Variants in NR1H4 observed in about 807,000 individuals in gnomAD.
The protein encoded by NR1H4 is bile acid receptor.
In NR1H4, 23 loss-of-function variants were observed where a neutral mutation model predicts 58.5. The ratio of observed to expected loss-of-function variants is 0.39; its 90% CI spans 0.28 to 0.56. The LOEUF (loss-of-function observed/expected upper bound fraction) is 0.56. Among genes scored for constraint, NR1H4 ranks in the 20% least tolerant of loss-of-function variants. NR1H4 has a pLI of 0.58. For missense variants in NR1H4, 487 were observed against 576.9 expected, an observed-to-expected ratio of 0.84 and a Z score of 1.60; for synonymous variants, 214 against 198.0, an observed-to-expected ratio of 1.08 and a Z score of -0.68.
chr12:100,490,693 TTATA>T (rs1427208180), intron 1 of NR1H4, among the ~76,000 whole-genome samples: 1 of 152,174 alleles, frequency 6.6e-6, no homozygotes. Context: ...TATATACACA[TTATA>T]TATATCCTTA....
At position 100,532,480 on chromosome 12, in the gene NR1H4, C is replaced by T. The variant is rs773880757; in HGVS notation, c.468C>T (p.Thr156=). 5.0e-6 allele frequency: 8 copies of T among 1,614,026 alleles called. No individual in the cohort carries two copies. The highest frequency in any genetic ancestry group is 2.5e-6 in the Non-Finnish European group (3 of 1,179,976). Residue 156 remains threonine (T), a synonymous_variant, in exon 5 of 11, where the codon ACC becomes ACT. Transcript: ENST00000392986. ...CAGGTTTCTTCAGGAGAAGCATTACCAAAAACGCTGTGTACAAGTGTAAAA... is the reference window on the plus strand; with the variant it reads ...CAGGTTTCTTCAGGAGAAGCATTACTAAAAACGCTGTGTACAAGTGTAAAA... The part of the protein sequence containing the change: ...GCKGFFRRSI[T]KNAVYKCKNG...
chr12:100,500,553 A>G (rs1017112266), intron 3 of NR1H4, among the ~76,000 whole-genome samples: 1 of 152,188 alleles, frequency 6.6e-6, no homozygotes, highest in African/African-American at 2.4e-5. Context: ...TTTAATTTAA[A>G]TAGCCTGATA....
At chr12:100,532,645 T>G (rs1179156310) in intron 5 of NR1H4, 35 bp downstream of exon 5, 2 of 1,601,264 alleles carry the variant, frequency 1.2e-6, no homozygotes, top group Non-Finnish European at 8.6e-7. Flanking sequence ...TCACTAAAAA[T>G]CTCTTAAGGA....
chr12:100,528,577 A>G (rs1277037395), intron 4 of NR1H4, among the ~76,000 whole-genome samples: 2 of 152,124 alleles, frequency 1.3e-5, no homozygotes, highest in East Asian at 3.9e-4. Flanking sequence ...CTTTCCATTC[A>G]TTTTCAAATG....
At chr12:100,513,587 G>C (rs1954179980) in intron 4 of NR1H4, among the ~76,000 whole-genome samples, 1 of 152,110 alleles carries the variant, frequency 6.6e-6, no homozygotes, top group Non-Finnish European at 1.5e-5. Context: ...CTAAGGTCAG[G>C]AGTTCAAGAC....
intron 3 of NR1H4, among the ~76,000 whole-genome samples, chr12:100,496,301 A>C (rs1051053278): frequency 5.9e-5 from 9 of 152,212 alleles, no homozygotes; most frequent in Non-Finnish European, 1.2e-4. Context: ...TGAAGGCAAC[A>C]AAATAGGGTG....
chr12:100,492,833 T>G (rs1381306059), intron 2 of NR1H4, among the ~76,000 whole-genome samples, 196 bp downstream of exon 2: 2 of 152,204 alleles, frequency 1.3e-5, no homozygotes, highest in African/African-American at 4.8e-5. Flanking sequence ...CAGTAGGAAG[T>G]GGCTTTAAAT....
At position 100,563,655 on chromosome 12, in the gene NR1H4, A is replaced by G. The variant is rs1955523818; in HGVS notation, c.*166A>G. On this transcript the variant is annotated 3_prime_UTR_variant, in exon 11 of 11. Coordinates refer to ENST00000392986, the MANE Select transcript of NR1H4 (RefSeq NM_001206979.2). ...CACAACTGTAAATATTGGGCTAGAT[A>G]GAACAACTTTCTCTACATTGTGTTT... The G allele has an allele frequency of 1.6e-6, 1 of 641,306 alleles. No individual in the cohort carries two copies. The highest frequency in any genetic ancestry group is 2.7e-5 in the East Asian group (1 of 37,372). The allele number at this position is 641,306 out of a possible 1,614,324, so 39.7% of individuals were successfully genotyped here.
chr12:100,479,871 C>T (rs1233773648), intron 1 of NR1H4, among the ~76,000 whole-genome samples: 1 of 152,186 alleles, frequency 6.6e-6, no homozygotes, highest in East Asian at 1.9e-4. Flanking sequence ...CTTATTTTCC[C>T]TTTGTATGAC....
In NR1H4 at chr12:100,493,286, C is replaced by T. The variant is rs376201887; in HGVS notation, c.-38C>T. 2 of 1,018,004 alleles carry T rather than the reference C, an allele frequency of 2.0e-6. No homozygotes were observed. Among genetic ancestry groups the T allele is most frequent in the African/African-American group, 3.1e-5 (2 of 63,620 alleles). The allele number at this position is 1,018,004 out of a possible 1,614,324, so 63.1% of individuals were successfully genotyped here. A position where few individuals can be genotyped will look rare whatever the true frequency, so the allele number is the denominator to read the frequency against. On this transcript the variant is annotated 5_prime_UTR_variant, in exon 3 of 11. Transcript: ENST00000392986. Reference sequence around the variant, plus strand: ...TCCTTTCAGGAGTTTTTTTTGAAGACCACCATAAAGAAAGTGCATTTCAAT... The same window carrying T: ...TCCTTTCAGGAGTTTTTTTTGAAGATCACCATAAAGAAAGTGCATTTCAAT...
chr12:100,495,065 A>G (rs942144338), intron 3 of NR1H4, among the ~76,000 whole-genome samples: 3 of 152,224 alleles, frequency 2.0e-5, no homozygotes, highest in African/African-American at 7.2e-5. Context: ...AAATTCAGAA[A>G]AAGCCACGAA....
At chr12:100,533,992 G>C (rs1310492128) in intron 5 of NR1H4, among the ~76,000 whole-genome samples, 1 of 151,790 alleles carries the variant, frequency 6.6e-6, no homozygotes, top group Non-Finnish European at 1.5e-5. Context: ...CGCTTCCCGG[G>C]TTCACGCCAT....
intron 9 of NR1H4, among the ~76,000 whole-genome samples, chr12:100,560,684 CA>C (rs1403362520): frequency 2.6e-4 from 39 of 152,296 alleles, no homozygotes; most frequent in African/African-American, 9.1e-4. Flanking sequence ...ACCAAGGACC[CA>C]CCAATTCCGG....
At chr12:100,546,867 G>A (rs1379389973) in intron 9 of NR1H4, among the ~76,000 whole-genome samples, 1 of 152,064 alleles carries the variant, frequency 6.6e-6, no homozygotes, top group Non-Finnish European at 1.5e-5. Flanking sequence ...TCATTCACCA[G>A]ATATCCTCAA....
chr12:100,506,042 C>CACACACAG (rs1491443606), intron 3 of NR1H4, among the ~76,000 whole-genome samples: 2,085 of 117,314 alleles, frequency 0.018, 43 homozygotes, highest in African/African-American at 0.058. Context: ...CACACACACA[C>CACACACAG]AGAGAGAGAG....
At chr12:100,560,064 CG>C (rs1327411447) in intron 9 of NR1H4, among the ~76,000 whole-genome samples, 1 of 151,806 alleles carries the variant, frequency 6.6e-6, no homozygotes, top group Non-Finnish European at 1.5e-5. Context: ...ATGCACCAAT[CG>C]ACACTCTGTA....
chr12:100,512,566 G>T (rs1485173335), intron 4 of NR1H4, among the ~76,000 whole-genome samples: 1 of 151,552 alleles, frequency 6.6e-6, no homozygotes, highest in Non-Finnish European at 1.5e-5. Flanking sequence ...GCGTGAACCC[G>T]AGAGGCAGAG....
chr12:100,546,795 C>T (rs973070981), intron 9 of NR1H4, among the ~76,000 whole-genome samples: 1 of 152,144 alleles, frequency 6.6e-6, no homozygotes, highest in Admixed American at 6.5e-5. Context: ...TTTTGCCTGA[C>T]CACACTTTCC....
intron 4 of NR1H4, among the ~76,000 whole-genome samples, chr12:100,531,107 T>C (rs1954681241): frequency 6.6e-6 from 1 of 152,184 alleles, no homozygotes; most frequent in African/African-American, 2.4e-5. Context: ...TTCCTAGATG[T>C]TGAAGGAGAC....
Sources: allele counts gnomAD v4.1 joint callset (sites outside exome capture counted in the v4.1 genomes callset), GRCh38; gene constraint gnomAD v4.1.1; transcripts MANE v1.5; gene names NCBI Gene and HGNC (gene_info 2026-07-23, HGNC 2026-07-21).